The following CLVS1 variants were observed in gnomAD, a reference collection of about 807,000 sequenced individuals.
CLVS1 encodes the protein clavesin 1.
A neutral mutation model predicts 33.1 loss-of-function variants in CLVS1; 10 were observed. The observed-to-expected ratio is 0.30, with a 90% CI of 0.19 to 0.51. CLVS1 has a LOEUF of 0.51. Among genes scored for constraint, CLVS1 ranks in the 20% least tolerant of loss-of-function variants. CLVS1 has a pLI of 0.97. For missense variants in CLVS1, 343 were observed against 433.4 expected (o/e 0.79, Z 1.85); for synonymous variants, 163 against 166.1 (o/e 0.98, Z 0.14).
chr8:61,043,088 T>TGG, the CLVS1 span, among the ~76,000 whole-genome samples: 2 of 152,218 alleles, frequency 1.3e-5, no homozygotes, highest in African/African-American at 2.4e-5. Context: ...GAGGGCTTTA[T>TGG]GGGGCAAGTA....
At chr8:61,146,983 T>C (rs1254594714) in intron 2 of CLVS1, among the ~76,000 whole-genome samples, 1 of 152,218 alleles carries the variant, frequency 6.6e-6, no homozygotes, top group Non-Finnish European at 1.5e-5. Context: ...ACTAGGTATG[T>C]ATGCTCAACC....
At chr8:61,061,390 G>T (rs944598527) in intron 1 of CLVS1, among the ~76,000 whole-genome samples, 3 of 152,098 alleles carry the variant, frequency 2.0e-5, no homozygotes, top group Non-Finnish European at 2.9e-5. Context: ...CGCACCGCAC[G>T]TACCCATATG....
At chr8:61,125,364 G>A (rs1424198743) in intron 1 of CLVS1, among the ~76,000 whole-genome samples, 2 of 152,100 alleles carry the variant, frequency 1.3e-5, no homozygotes, top group African/African-American at 4.8e-5. Context: ...GGTTGTGGGG[G>A]GCTAGGTGCA....
At chr8:61,008,888 A>G in the CLVS1 span, among the ~76,000 whole-genome samples, 29 of 152,250 alleles carry the variant, frequency 1.9e-4, no homozygotes, top group Non-Finnish European at 3.7e-4. Flanking sequence ...CAAAACTAGT[A>G]TTTTGTTTTA....
the CLVS1 span, among the ~76,000 whole-genome samples, chr8:61,023,685 T>C: frequency 6.6e-6 from 1 of 152,186 alleles, no homozygotes; most frequent in Admixed American, 6.5e-5. Context: ...CGGAGCGCCA[T>C]CTACCGGCTG....
At chr8:61,120,105 C>T (rs1217902137) in intron 1 of CLVS1, among the ~76,000 whole-genome samples, 80 of 148,304 alleles carry the variant, frequency 5.4e-4, no homozygotes, top group African/African-American at 1.9e-3. Context: ...CTTCCCTTCT[C>T]GCTTCATTTC....
chr8:61,422,110 A>C (rs947110629), intron 3 of CLVS1, among the ~76,000 whole-genome samples: 2 of 148,992 alleles, frequency 1.3e-5, no homozygotes, highest in African/African-American at 5.0e-5. Flanking sequence ...TTTTTTTTTG[A>C]AGAACATTTT....
At chr8:61,463,678 C>G (rs1051615644) in intron 5 of CLVS1, among the ~76,000 whole-genome samples, 5 of 152,094 alleles carry the variant, frequency 3.3e-5, no homozygotes, top group African/African-American at 1.2e-4. Context: ...AGTATATTGT[C>G]TTATAGGAGC....
intron 2 of CLVS1, among the ~76,000 whole-genome samples, chr8:61,214,345 G>T (rs1023084683): frequency 2.0e-5 from 3 of 152,114 alleles, no homozygotes; most frequent in African/African-American, 7.2e-5. Context: ...GCGGCTTGTG[G>T]GGCATCATGG....
chr8:61,340,386 A>G (rs1005311380), intron 2 of CLVS1, among the ~76,000 whole-genome samples: 1 of 152,074 alleles, frequency 6.6e-6, no homozygotes, highest in Non-Finnish European at 1.5e-5. Flanking sequence ...TCTACTGTCT[A>G]CTTCTGTGAG....
rs547954832 is a variant in CLVS1 at position 61,279,730 on chromosome 8, A to C, written c.-151-19947A>C. On this transcript the variant is annotated intron_variant, in intron 2 of 2. Coordinates refer to the CLVS1 transcript ENST00000522621. ...GATATACATGTAAGTTGGATGTTTG[A>C]TTGGCTTAATAATTATTTATGAATA... is the stretch of plus-strand genomic sequence containing the variant. 4.6e-5 allele frequency among the ~76,000 whole-genome samples: 7 copies of C among 152,342 alleles called. No homozygotes were observed. The East Asian group carries it at 1.4e-3, about 29-fold the overall frequency.
intron 1 of CLVS1, among the ~76,000 whole-genome samples, chr8:61,089,843 G>T (rs563770794): frequency 7.2e-4 from 109 of 152,288 alleles, no homozygotes; most frequent in African/African-American, 2.6e-3. Context: ...GGTTGCTCGA[G>T]CCCAGGAATC....
At chr8:61,098,058 G>A (rs1005780797) in intron 1 of CLVS1, among the ~76,000 whole-genome samples, 3 of 152,170 alleles carry the variant, frequency 2.0e-5, no homozygotes, top group Admixed American at 2.0e-4. Context: ...TATTTGGGAA[G>A]TTGTGGCAGA....
chr8:61,327,311 A>G (rs933569909), intron 2 of CLVS1, among the ~76,000 whole-genome samples: 2 of 152,202 alleles, frequency 1.3e-5, no homozygotes, highest in East Asian at 3.8e-4. Context: ...ATATTGACAT[A>G]TTAGTGTTCT....
chr8:61,249,928 C>G (rs761808143), intron 2 of CLVS1, among the ~76,000 whole-genome samples: 2 of 152,176 alleles, frequency 1.3e-5, no homozygotes, highest in Non-Finnish European at 2.9e-5. Context: ...AATTCGATCC[C>G]ATTTGTCAAT....
intron 2 of CLVS1, among the ~76,000 whole-genome samples, chr8:61,275,541 T>C (rs919111296): frequency 1.3e-5 from 2 of 152,176 alleles, no homozygotes; most frequent in Non-Finnish European, 2.9e-5. Flanking sequence ...TAACACTTCA[T>C]ATATTTGTGA....
At chr8:61,032,650 G>T in the CLVS1 span, among the ~76,000 whole-genome samples, 1 of 152,132 alleles carries the variant, frequency 6.6e-6, no homozygotes, top group East Asian at 1.9e-4. Flanking sequence ...TTCTCTCTCT[G>T]TGAAGCGCCT....
chr8:61,173,164 G>GCA (rs1195917835), intron 2 of CLVS1, among the ~76,000 whole-genome samples: 2 of 152,036 alleles, frequency 1.3e-5, no homozygotes, highest in African/African-American at 4.8e-5. Flanking sequence ...ATTTTCATAT[G>GCA]CACACACACA....
At chr8:61,137,239 C>G (rs1806206832) in intron 2 of CLVS1, among the ~76,000 whole-genome samples, 1 of 152,132 alleles carries the variant, frequency 6.6e-6, no homozygotes, top group Non-Finnish European at 1.5e-5. Context: ...AATCACTTTC[C>G]TCAGAGGTAG....
Sources: gnomAD v4.1 joint callset for allele counts (sites outside exome capture counted in the v4.1 genomes callset) on GRCh38, gnomAD v4.1.1 for gene constraint, MANE v1.5 for transcripts, NCBI Gene and HGNC (gene_info 2026-07-23, HGNC 2026-07-21) for gene names.